The following CTNNA3 variants were observed in gnomAD, a reference collection of about 807,000 sequenced individuals.
CTNNA3 encodes catenin alpha-3.
Under a neutral mutation model 95.7 loss-of-function variants are expected in CTNNA3, and 76 were observed. That is an observed-to-expected ratio of 0.79 (90% CI 0.66 to 0.96). The LOEUF (loss-of-function observed/expected upper bound fraction) is 0.96. CTNNA3 is among the 40% of genes least tolerant of loss of function. The pLI, the probability that CTNNA3 is intolerant of heterozygous loss-of-function variation, is 0.00. For synonymous variants in CTNNA3, 431 were observed against 374.4 expected, an observed-to-expected ratio of 1.15 and a Z score of -1.74; for missense variants, 1,191 against 1,089.8, an observed-to-expected ratio of 1.09 and a Z score of -1.31.
chr10:66,838,655 C>A (rs554119267), intron 7 of CTNNA3, among the ~76,000 whole-genome samples: 2 of 152,088 alleles, frequency 1.3e-5, no homozygotes, highest in Admixed American at 6.6e-5. Flanking sequence ...CTAGCCTTTA[C>A]GGTTCTCTAG....
At chr10:67,116,410 G>T (rs942197768) in intron 7 of CTNNA3, among the ~76,000 whole-genome samples, 1 of 151,942 alleles carries the variant, frequency 6.6e-6, no homozygotes, top group African/African-American at 2.4e-5. Context: ...GGTAAATATA[G>T]AAGCTTCTCT....
intron 9 of CTNNA3, among the ~76,000 whole-genome samples, chr10:66,623,721 A>G (rs534756923): frequency 1.3e-5 from 2 of 152,256 alleles, no homozygotes; most frequent in East Asian, 1.9e-4. Context: ...GTAATAGAGT[A>G]TATTTCAAGT....
intron 9 of CTNNA3, among the ~76,000 whole-genome samples, chr10:66,700,887 G>T (rs1424427474): frequency 6.6e-6 from 1 of 152,064 alleles, no homozygotes; most frequent in African/African-American, 2.4e-5. Context: ...AATATAATCT[G>T]CTTATATAGC....
At chr10:67,428,724 A>G (rs777945888) in intron 5 of CTNNA3, among the ~76,000 whole-genome samples, 5 of 151,998 alleles carry the variant, frequency 3.3e-5, no homozygotes, top group Non-Finnish European at 5.9e-5. Context: ...TCCACCTTTA[A>G]TCTGGTGGGC....
chr10:67,671,822 G>A (rs1207755033), intron 1 of CTNNA3, among the ~76,000 whole-genome samples: 1 of 151,800 alleles, frequency 6.6e-6, no homozygotes, highest in Admixed American at 6.6e-5. Flanking sequence ...ATAAACATAC[G>A]TGTGCATGTG....
intron 12 of CTNNA3, among the ~76,000 whole-genome samples, chr10:66,296,310 C>T (rs2091775757): frequency 1.3e-5 from 2 of 152,034 alleles, no homozygotes; most frequent in Admixed American, 1.3e-4. Context: ...ATTGTACTTT[C>T]TCAGCTGTTA....
intron 9 of CTNNA3, among the ~76,000 whole-genome samples, chr10:66,639,050 T>C (rs17274442): frequency 0.028 from 4,309 of 152,206 alleles, 104 homozygotes; most frequent in South Asian, 0.051. Context: ...GGAAATAGAG[T>C]CTGTGAGCCA....
At chr10:67,479,869 G>T (rs1272258187) in intron 5 of CTNNA3, among the ~76,000 whole-genome samples, 1 of 151,928 alleles carries the variant, frequency 6.6e-6, no homozygotes, top group African/African-American at 2.4e-5. Flanking sequence ...AAAGAAAGAA[G>T]ATCCAAATAA....
intron 7 of CTNNA3, among the ~76,000 whole-genome samples, chr10:66,804,853 C>T (rs1050502285): frequency 6.6e-6 from 1 of 152,052 alleles, no homozygotes; most frequent in African/African-American, 2.4e-5. Flanking sequence ...GTTTGCAAGG[C>T]TGGCCCTTGA....
chr10:66,647,422 G>A (rs749879510), intron 9 of CTNNA3, among the ~76,000 whole-genome samples: 1 of 152,036 alleles, frequency 6.6e-6, no homozygotes, highest in Non-Finnish European at 1.5e-5. Flanking sequence ...CTATATTTGG[G>A]GAAAAGAAGA....
intron 7 of CTNNA3, among the ~76,000 whole-genome samples, chr10:66,884,771 CAG>C (rs1243248867): frequency 3.3e-5 from 5 of 151,996 alleles, no homozygotes; most frequent in Admixed American, 3.3e-4. Flanking sequence ...GGGCAAGAAA[CAG>C]AGGGAGGAAG....
At chr10:67,190,218 T>C (rs1467113213) in intron 6 of CTNNA3, among the ~76,000 whole-genome samples, 2 of 151,930 alleles carry the variant, frequency 1.3e-5, no homozygotes, top group African/African-American at 4.8e-5. Flanking sequence ...GAGTGAACAA[T>C]GTGGGATGAA....
chr10:66,118,583 C>T (rs2082438249), intron 13 of CTNNA3, among the ~76,000 whole-genome samples: 1 of 152,076 alleles, frequency 6.6e-6, no homozygotes, highest in African/African-American at 2.4e-5. Flanking sequence ...ATCTTTCCAC[C>T]TATTCAAAGT....
intron 13 of CTNNA3, among the ~76,000 whole-genome samples, chr10:66,234,042 A>G (rs1445888867): frequency 2.2e-4 from 33 of 152,170 alleles, no homozygotes; most frequent in Admixed American, 2.2e-3. Context: ...AAAAAATAAC[A>G]GGCAAAATTA....
At chr10:66,706,687 T>C (rs866196632) in intron 9 of CTNNA3, among the ~76,000 whole-genome samples, 9 of 152,168 alleles carry the variant, frequency 5.9e-5, no homozygotes, top group Middle Eastern at 6.8e-3. Context: ...AGATAATCCT[T>C]TACCCTAAAA....
At chr10:67,727,089 A>G (rs1841237235) in intron 1 of CTNNA3, among the ~76,000 whole-genome samples, 1 of 120,168 alleles carries the variant, frequency 8.3e-6, no homozygotes, top group East Asian at 2.3e-4. Context: ...TATATGATAT[A>G]ATTATATATA....
intron 1 of CTNNA3, among the ~76,000 whole-genome samples, chr10:67,694,217 T>G (rs1193806549): frequency 6.6e-6 from 1 of 152,190 alleles, no homozygotes; most frequent in Admixed American, 6.5e-5. Context: ...TTTTCAACTC[T>G]GACATGTAGC....
chr10:66,233,947 A>C (rs1329429337), intron 13 of CTNNA3, among the ~76,000 whole-genome samples: 1 of 152,218 alleles, frequency 6.6e-6, no homozygotes, highest in Non-Finnish European at 1.5e-5. Flanking sequence ...ACAAAATGTC[A>C]TAGTTGAATT....
chr10:67,711,673 G>A (rs1021725555), intron 1 of CTNNA3, among the ~76,000 whole-genome samples: 15 of 151,346 alleles, frequency 9.9e-5, no homozygotes, highest in South Asian at 2.1e-4. Flanking sequence ...ATGCTGGTGC[G>A]CTGCACCCAC....
Sources: allele counts gnomAD v4.1 joint callset (sites outside exome capture counted in the v4.1 genomes callset), GRCh38; gene constraint gnomAD v4.1.1; transcripts MANE v1.5; gene names NCBI Gene and HGNC (gene_info 2026-07-23, HGNC 2026-07-21).